TCF7L1: variants seen among roughly 807,000 people sequenced by gnomAD.
TCF7L1 encodes transcription factor 7-like 1.
A neutral mutation model predicts 63.7 loss-of-function variants in TCF7L1; 18 were observed. The ratio of observed to expected loss-of-function variants is 0.28; its 90% CI spans 0.20 to 0.42. The LOEUF (loss-of-function observed/expected upper bound fraction) is 0.42, where lower values mean the gene tolerates loss of function less well. TCF7L1 is among the 10% of genes least tolerant of loss of function. The pLI is 1.00. For missense variants in TCF7L1, 654 were observed against 779.3 expected (o/e 0.84, Z 1.91); for synonymous variants, 355 against 340.9 (o/e 1.04, Z -0.46).
chr2:85,282,171 A>G (rs1393103609), intron 3 of TCF7L1, among the ~76,000 whole-genome samples: 2 of 152,068 alleles, frequency 1.3e-5, no homozygotes, highest in African/African-American at 4.8e-5. Context: ...TTTTTTTAGT[A>G]GAGACGAAGT....
intron 3 of TCF7L1, among the ~76,000 whole-genome samples, chr2:85,181,728 T>C (rs1170577593): frequency 6.6e-6 from 1 of 152,124 alleles, no homozygotes; most frequent in Non-Finnish European, 1.5e-5. Flanking sequence ...TCTGAGACCA[T>C]TGGTTCCTTT....
intron 5 of TCF7L1, 108 bp downstream of exon 5, chr2:85,302,724 CT>C: frequency 7.1e-7 from 1 of 1,408,818 alleles, no homozygotes; most frequent in Non-Finnish European, 9.6e-7. Flanking sequence ...AATCATGGCT[CT>C]TTGTCTCAGG....
chr2:85,257,603 C>T (rs1434214548), intron 3 of TCF7L1, among the ~76,000 whole-genome samples: 1 of 152,232 alleles, frequency 6.6e-6, no homozygotes, highest in East Asian at 1.9e-4. Flanking sequence ...TCTCAGCTCA[C>T]AGAGGGCTGT....
At chr2:85,248,687 G>A (rs761799421) in intron 3 of TCF7L1, among the ~76,000 whole-genome samples, 6 of 152,202 alleles carry the variant, frequency 3.9e-5, no homozygotes, top group Non-Finnish European at 8.8e-5. Context: ...AAGATTGCTA[G>A]CGTTGTGCTT....
intron 3 of TCF7L1, among the ~76,000 whole-genome samples, chr2:85,137,342 T>C (rs1454197921): frequency 1.3e-5 from 2 of 152,140 alleles, no homozygotes; most frequent in Non-Finnish European, 2.9e-5. Context: ...TGCCCTCCAC[T>C]CTGGTTTGGC....
rs532101633 is a variant in TCF7L1, at chr2:85,161,185, G to A, written c.441+26735G>A. Reference sequence around the variant, plus strand: ...GATTGTTCTCATTTAATGAAGTGTTGACTCTGGAGTCTCCAGGATAACTTG... The same window carrying A: ...GATTGTTCTCATTTAATGAAGTGTTAACTCTGGAGTCTCCAGGATAACTTG... On this transcript the variant is annotated intron_variant, in intron 3 of 11. Transcript: ENST00000282111. Among the ~76,000 whole-genome samples the A allele has an allele frequency of 4.7e-4, 72 of 152,294 alleles. 1 individual carries two copies. In the South Asian group the frequency reaches 0.015, roughly 31 times the overall value.
At chr2:85,185,833 C>G (rs955459980) in intron 3 of TCF7L1, among the ~76,000 whole-genome samples, 28 of 152,064 alleles carry the variant, frequency 1.8e-4, no homozygotes, top group Non-Finnish European at 1.9e-4. Context: ...GCGGGTAGCC[C>G]CATGTTGGTG....
chr2:85,272,837 A>T (rs1397012600), intron 3 of TCF7L1, among the ~76,000 whole-genome samples: 1 of 152,194 alleles, frequency 6.6e-6, no homozygotes, highest in Non-Finnish European at 1.5e-5. Context: ...TCAATAAAAA[A>T]ATCACCCAAA....
intron 4 of TCF7L1, among the ~76,000 whole-genome samples, chr2:85,298,320 G>A (rs1446744863): frequency 1.3e-5 from 2 of 151,212 alleles, no homozygotes; most frequent in South Asian, 2.1e-4. Context: ...GTGAAACCCC[G>A]TCTCTACTAA....
chr2:85,231,826 G>T (rs752067382), intron 3 of TCF7L1, among the ~76,000 whole-genome samples: 1 of 152,030 alleles, frequency 6.6e-6, no homozygotes, highest in African/African-American at 2.4e-5. Context: ...TTTTTCTAGC[G>T]TAGTGTAGGG....
chr2:85,218,646 G>T (rs1052054961), intron 3 of TCF7L1, among the ~76,000 whole-genome samples: 8 of 150,192 alleles, frequency 5.3e-5, no homozygotes, highest in Non-Finnish European at 1.0e-4. Context: ...CAATGGGGGG[G>T]GGAAAACTGG....
intron 3 of TCF7L1, among the ~76,000 whole-genome samples, chr2:85,152,627 G>T (rs973544539): frequency 6.7e-6 from 1 of 148,252 alleles, no homozygotes; most frequent in Non-Finnish European, 1.5e-5. Context: ...TAGAGACAGG[G>T]TTTCACCATG....
chr2:85,286,454 A>G (rs1681556104), intron 4 of TCF7L1, among the ~76,000 whole-genome samples: 1 of 151,782 alleles, frequency 6.6e-6, no homozygotes, highest in South Asian at 2.1e-4. Context: ...AGGAGGGAGG[A>G]TTGCTTGAGG....
chr2:85,175,443 G>T (rs1046674768), intron 3 of TCF7L1, among the ~76,000 whole-genome samples: 1 of 152,330 alleles, frequency 6.6e-6, no homozygotes, highest in Admixed American at 6.5e-5. Context: ...CCCTGATAAC[G>T]TCCATGCAGT....
chr2:85,308,443 TTCTCTTTCCCTCCC>T (rs1390797762), intron 11 of TCF7L1, among the ~76,000 whole-genome samples: 50 of 31,562 alleles, frequency 1.6e-3, no homozygotes, highest in African/African-American at 2.5e-3. Context: ...CTCCCTCCCT[TTCTCTTTCCCTCCC>T]TCTCTTTCCC....
At chr2:85,295,080 A>T (rs1361737691) in intron 4 of TCF7L1, among the ~76,000 whole-genome samples, 1 of 152,150 alleles carries the variant, frequency 6.6e-6, no homozygotes, top group Non-Finnish European at 1.5e-5. Context: ...CCATCTTCTT[A>T]CCAGTATACC....
chr2:85,138,652 A>G (rs923388102), intron 3 of TCF7L1, among the ~76,000 whole-genome samples: 11 of 152,288 alleles, frequency 7.2e-5, no homozygotes, highest in Non-Finnish European at 1.0e-4. Flanking sequence ...GAACCTGTCA[A>G]TCTTTTTTCT....
intron 3 of TCF7L1, among the ~76,000 whole-genome samples, chr2:85,201,405 T>A (rs968853834): frequency 6.6e-6 from 1 of 152,238 alleles, no homozygotes; most frequent in Non-Finnish European, 1.5e-5. Context: ...TGGTAGTAAA[T>A]GATAAAATAG....
chr2:85,261,570 A>G (rs1680857934), intron 3 of TCF7L1, among the ~76,000 whole-genome samples: 2 of 152,232 alleles, frequency 1.3e-5, no homozygotes, highest in African/African-American at 4.8e-5. Context: ...AGCCTAAGCA[A>G]TCAGGTGAGT....
Sources: allele counts gnomAD v4.1 joint callset (sites outside exome capture counted in the v4.1 genomes callset), GRCh38; gene constraint gnomAD v4.1.1; transcripts MANE v1.5; gene names NCBI Gene and HGNC (gene_info 2026-07-23, HGNC 2026-07-21).